Variants in IMMP2L observed in about 807,000 individuals in gnomAD.
IMMP2L encodes the protein mitochondrial inner membrane protease subunit 2.
IMMP2L carries 18 observed loss-of-function variants against 19.3 expected under a neutral mutation model. That is an observed-to-expected ratio of 0.93 (90% CI 0.64 to 1.38). IMMP2L has a LOEUF of 1.38. Among genes scored for constraint, IMMP2L ranks in the 40% most tolerant of loss-of-function variants. The pLI, the probability that IMMP2L is intolerant of heterozygous loss-of-function variation, is 0.00. For missense variants in IMMP2L, 233 were observed against 218.2 expected (o/e 1.07, Z -0.43); for synonymous variants, 76 against 73.0 (o/e 1.04, Z -0.21).
intron 4 of IMMP2L, among the ~76,000 whole-genome samples, chr7:110,888,129 G>A (rs1014325469): frequency 1.3e-5 from 2 of 152,108 alleles, no homozygotes; most frequent in African/African-American, 4.8e-5. Flanking sequence ...CCCACAGTAA[G>A]TTAATGACTG....
At chr7:110,915,406 A>T (rs934318917) in intron 4 of IMMP2L, among the ~76,000 whole-genome samples, 1 of 151,958 alleles carries the variant, frequency 6.6e-6, no homozygotes, top group African/African-American at 2.4e-5. Context: ...GTGGAATCTA[A>T]AATAGTCAAA....
intron 3 of IMMP2L, among the ~76,000 whole-genome samples, chr7:111,147,880 G>A (rs905931437): frequency 6.6e-6 from 1 of 152,110 alleles, no homozygotes; most frequent in African/African-American, 2.4e-5. Flanking sequence ...AAGAAAAATA[G>A]CTGAATCTTG....
At chr7:111,118,144 T>C (rs1261560881) in intron 3 of IMMP2L, among the ~76,000 whole-genome samples, 1 of 152,100 alleles carries the variant, frequency 6.6e-6, no homozygotes, top group African/African-American at 2.4e-5. Flanking sequence ...TCAAATCTAC[T>C]GTGCATCATT....
intron 3 of IMMP2L, among the ~76,000 whole-genome samples, chr7:111,356,032 A>G (rs914038302): frequency 2.0e-5 from 3 of 152,048 alleles, no homozygotes; most frequent in Non-Finnish European, 4.4e-5. Flanking sequence ...AATTTAGAAA[A>G]TTAAACTAAT....
rs529468477 is a variant in IMMP2L, at chr7:110,686,889, C to T, written c.409-23168G>A. ...TTTGGCTTCAATCAGATCATTCCCA[C>T]GATTAACACACTTCAATCATTCTTC... On this transcript the variant is annotated intron_variant, in intron 5 of 5. Coordinates refer to ENST00000405709, the MANE Select transcript of IMMP2L (RefSeq NM_032549.4). 4.6e-5 allele frequency among the ~76,000 whole-genome samples: 7 copies of T among 152,170 alleles called. No individual in the cohort carries two copies. The South Asian group carries it at 1.0e-3, about 23-fold the overall frequency.
intron 3 of IMMP2L, among the ~76,000 whole-genome samples, chr7:111,088,045 G>T (rs570115713): frequency 6.6e-6 from 1 of 152,232 alleles, no homozygotes; most frequent in Admixed American, 6.5e-5. Context: ...CTAGGAAGTG[G>T]CAAGGTAAGG....
intron 3 of IMMP2L, among the ~76,000 whole-genome samples, chr7:111,388,457 T>C (rs1004162997): frequency 2.6e-5 from 4 of 151,968 alleles, no homozygotes; most frequent in Non-Finnish European, 4.4e-5. Flanking sequence ...TAATCACTGA[T>C]CAATAGATAG....
intron 5 of IMMP2L, among the ~76,000 whole-genome samples, chr7:110,697,167 A>T (rs912581609): frequency 6.6e-6 from 1 of 152,150 alleles, no homozygotes; most frequent in Admixed American, 6.6e-5. Flanking sequence ...AAGCGTTTTG[A>T]CATGGCATAT....
intron 5 of IMMP2L, among the ~76,000 whole-genome samples, chr7:110,705,811 C>T (rs746924495): frequency 6.6e-6 from 1 of 151,828 alleles, no homozygotes; most frequent in Non-Finnish European, 1.5e-5. Flanking sequence ...TGAGAACAGG[C>T]GATATTTGGT....
intron 3 of IMMP2L, among the ~76,000 whole-genome samples, chr7:111,004,246 T>C (rs1483766311): frequency 6.6e-6 from 1 of 151,684 alleles, no homozygotes; most frequent in African/African-American, 2.4e-5. Flanking sequence ...GGCATAATCA[T>C]AGCTCACTGC....
chr7:110,674,953 G>A lies in IMMP2L; in HGVS notation c.409-11232C>T, dbSNP rs181403423. 9.5e-4 allele frequency among the ~76,000 whole-genome samples: 144 copies of A among 152,150 alleles called. 1 individual carries two copies. Among genetic ancestry groups the A allele is most frequent in the African/African-American group, 2.9e-3 (121 of 41,520 alleles). ...CCCAATTCAGTCCTGACTCTTCCAC[G>A]GAGTCCCTCCCAGCCAGTCCAATTC... On this transcript the variant is annotated intron_variant, in intron 5 of 5. Coordinates refer to ENST00000405709, the MANE Select transcript of IMMP2L (RefSeq NM_032549.4).
At chr7:110,739,122 T>A (rs1796829280) in intron 5 of IMMP2L, among the ~76,000 whole-genome samples, 1 of 152,098 alleles carries the variant, frequency 6.6e-6, no homozygotes, top group Non-Finnish European at 1.5e-5. Flanking sequence ...AAAGCATAAA[T>A]CTCACAGGAT....
At chr7:111,447,432 T>C (rs1353997388) in intron 3 of IMMP2L, among the ~76,000 whole-genome samples, 21 of 150,310 alleles carry the variant, frequency 1.4e-4, no homozygotes, top group Admixed American at 3.3e-4. Context: ...AATTTTCAAC[T>C]CAGAATTTCA....
intron 4 of IMMP2L, among the ~76,000 whole-genome samples, chr7:110,899,384 T>C (rs1811641053): frequency 6.6e-6 from 1 of 152,164 alleles, no homozygotes; most frequent in Non-Finnish European, 1.5e-5. Context: ...TTTATATAAA[T>C]TATTCCAACA....
chr7:111,407,508 G>C (rs1347041893), intron 3 of IMMP2L, among the ~76,000 whole-genome samples: 1 of 151,998 alleles, frequency 6.6e-6, no homozygotes, highest in Non-Finnish European at 1.5e-5. Context: ...ACTGTAACAT[G>C]GATGAACCTC....
chr7:111,330,400 A>G (rs1563067013), intron 3 of IMMP2L, among the ~76,000 whole-genome samples: 1 of 151,744 alleles, frequency 6.6e-6, no homozygotes, highest in Non-Finnish European at 1.5e-5. Context: ...TCTGAAGAAG[A>G]CTTTTTAAAA....
chr7:110,765,186 T>G lies in IMMP2L; in HGVS notation c.409-101465A>C, dbSNP rs1798585224. On this transcript the variant is annotated intron_variant, in intron 5 of 5. Transcript: ENST00000405709. ...TACACATCTACTATGTAAAAGCAGG[T>G]AGGATAAGAGGAACAGTTTTCATTT... Among the ~76,000 whole-genome samples, 2 of 152,148 alleles carry G rather than the reference T, an allele frequency of 1.3e-5. 1 individual carries two copies. Among genetic ancestry groups the G allele is most frequent in the South Asian group, 4.1e-4 (2 of 4,832 alleles).
chr7:111,553,904 A>C (rs1284726027), intron 1 of IMMP2L, among the ~76,000 whole-genome samples: 1 of 152,188 alleles, frequency 6.6e-6, no homozygotes, highest in Non-Finnish European at 1.5e-5. Context: ...CCTTCACACA[A>C]ATCTCCTCTT....
intron 3 of IMMP2L, among the ~76,000 whole-genome samples, chr7:111,100,215 T>C (rs1437269887): frequency 6.6e-6 from 1 of 151,518 alleles, no homozygotes; most frequent in African/African-American, 2.4e-5. Context: ...TTCTGAGATT[T>C]TGGTGCACCC....
Sources: gnomAD v4.1 joint callset for allele counts (sites outside exome capture counted in the v4.1 genomes callset) on GRCh38, gnomAD v4.1.1 for gene constraint, MANE v1.5 for transcripts, NCBI Gene and HGNC (gene_info 2026-07-23, HGNC 2026-07-21) for gene names.